The following GUCY2F variants were observed in gnomAD, a reference collection of about 807,000 sequenced individuals.
GUCY2F encodes guanylate cyclase 2F, retinal.
Under a neutral mutation model 73.1 loss-of-function variants are expected in GUCY2F, and 61 were observed. That is an observed-to-expected ratio of 0.83 (90% confidence interval 0.68 to 1.03). The LOEUF is 1.03. Ranked by LOEUF, GUCY2F falls within the 50% of genes least tolerant of loss-of-function variation. The pLI is 0.00. For synonymous variants in GUCY2F, 331 were observed against 307.8 expected (o/e 1.08, Z -0.79); for missense variants, 912 against 854.3 (o/e 1.07, Z -0.84).
At chrX:109,463,358 C>T (rs189833799) in intron 3 of GUCY2F, among the ~76,000 whole-genome samples, 1 of 110,064 alleles carries the variant, frequency 9.1e-6, no homozygotes, top group Admixed American at 9.7e-5. Context: ...TAGGCATGGG[C>T]ATGGGACACA....
chrX:109,476,815 GTATATATATGTGTA>G lies in GUCY2F; in HGVS notation c.-85-808_-85-795del, dbSNP rs201816452. Among the ~76,000 whole-genome samples the G allele has an allele frequency of 9.8e-3, 1,037 of 105,560 alleles. 12 individuals carry two copies. Among genetic ancestry groups the G allele is most frequent in the East Asian group, 0.056 (196 of 3,518 alleles). 91.7% of individuals were successfully genotyped at this position (105,560 alleles called of 115,157 possible). On this transcript the variant is annotated intron_variant, in intron 1 of 19. Coordinates refer to ENST00000218006, the MANE Select transcript of GUCY2F (RefSeq NM_001522.3). ...TGTGTGTGTGTATATATGTGCGTGT[GTATATATATGTGTA>G]TATATATATGTGCGTGTATATATGT...
chrX:109,376,534 G>A (rs764242631), intron 17 of GUCY2F, among the ~76,000 whole-genome samples: 22 of 112,190 alleles, frequency 2.0e-4, no homozygotes, highest in African/African-American at 3.9e-4. Flanking sequence ...CCCGCTTACC[G>A]TCTCATTCAA....
chrX:109,429,573 G>T (rs189098011), intron 8 of GUCY2F, among the ~76,000 whole-genome samples: 109 of 112,116 alleles, frequency 9.7e-4, no homozygotes, highest in Non-Finnish European at 2.0e-3. Context: ...GCCTCATTCA[G>T]ATTTGTTGGA....
At chrX:109,435,009 ATGC>A (rs1350272571) in intron 7 of GUCY2F, among the ~76,000 whole-genome samples, 17 of 110,197 alleles carry the variant, frequency 1.5e-4, no homozygotes, top group African/African-American at 5.4e-4. Flanking sequence ...TACCAGTACC[ATGC>A]TGTTTTGGTT....
intron 3 of GUCY2F, among the ~76,000 whole-genome samples, chrX:109,461,027 G>C (rs62597562): frequency 0.26 from 29,132 of 110,747 alleles, 3,636 homozygotes; most frequent in Non-Finnish European, 0.38. Flanking sequence ...AGCAATAAAT[G>C]ATATTTACAT....
At chrX:109,384,781 C>T (rs938043353) in intron 16 of GUCY2F, among the ~76,000 whole-genome samples, 3 of 111,594 alleles carry the variant, frequency 2.7e-5, no homozygotes, top group African/African-American at 6.5e-5. Flanking sequence ...GGCTTCAGTG[C>T]GTCTCCACAA....
chrX:109,441,693 T>C (rs1020912019), intron 6 of GUCY2F, among the ~76,000 whole-genome samples: 1 of 110,242 alleles, frequency 9.1e-6, no homozygotes, highest in East Asian at 2.8e-4. Context: ...ACCAAAAAAT[T>C]ATAAAGGTGC....
Position 109,388,533 on chromosome X carries a change from T to C in GUCY2F, c.2912A>G (p.His971Arg). 8.3e-7 allele frequency: 1 copy of C among 1,207,069 alleles called. No homozygotes were observed. The highest frequency in any genetic ancestry group is 1.1e-6 in the Non-Finnish European group (1 of 891,704). The change falls in exon 15 of 20, where the codon CAC becomes CGC. Residue 971 changes from histidine (H) to arginine (R), a missense_variant. His to Arg is a conservative substitution (Grantham distance 29). Coordinates refer to ENST00000218006, the MANE Select transcript of GUCY2F (RefSeq NM_001522.3). ...LSSVGTFKMRHMPEVPVRIRI... is the reference protein window; with the variant it reads ...LSSVGTFKMRRMPEVPVRIRI... ...AATTCGGACCGGCACTTCTGGCATG[T>C]GCCGCATCTTGAAAGTGCCCACAGA...
At chrX:109,393,145 C>T in intron 12 of GUCY2F, 90 bp from the exon 13 acceptor site, 5 of 525,999 alleles carry the variant, frequency 9.5e-6, no homozygotes, top group Non-Finnish European at 1.6e-5. Context: ...AAATCCATTC[C>T]ACCAAAATGC....
At chrX:109,438,830 C>A (rs1303751947) in intron 7 of GUCY2F, among the ~76,000 whole-genome samples, 1 of 112,769 alleles carries the variant, frequency 8.9e-6, no homozygotes, top group East Asian at 2.8e-4. Context: ...AGTGGAGGAT[C>A]TTTGTGGTGG....
chrX:109,479,909 C>T (rs1459616039), intron 1 of GUCY2F, among the ~76,000 whole-genome samples: 1 of 111,436 alleles, frequency 9.0e-6, no homozygotes, highest in Admixed American at 9.5e-5. Context: ...GTATAAGGGC[C>T]TGGCCAAGAA....
chrX:109,448,101 C>T lies in GUCY2F; in HGVS notation c.1537G>A (p.Val513Ile), dbSNP rs1210943420. The T allele has an allele frequency of 1.8e-6, 2 of 1,118,326 alleles. No individual in the cohort carries two copies. Among genetic ancestry groups the T allele is most frequent in the Non-Finnish European group, 2.5e-6 (2 of 812,621 alleles). 92.2% of individuals were successfully genotyped at this position (1,118,326 alleles called of 1,213,427 possible). A position where few individuals can be genotyped will look rare whatever the true frequency, so the allele number is the denominator to read the frequency against. ...PNRILLTLED[V>I]TFINPHFGSK... is the part of the protein sequence containing the mutation. ...CCAAAGTGGGGATTGATAAACGTTA[C>T]ATCCTCCAAAGTCAGTAGAATTCTA... Residue 513 changes from valine (V) to isoleucine (I), a missense_variant, in exon 6 of 20, where the codon GTA becomes ATA. By Grantham distance (29) the Val-to-Ile change is conservative (BLOSUM62 3). Coordinates refer to ENST00000218006, the MANE Select transcript of GUCY2F (RefSeq NM_001522.3).
intron 19 of GUCY2F, among the ~76,000 whole-genome samples, chrX:109,374,264 A>C (rs1930125616): frequency 8.9e-6 from 1 of 111,921 alleles, no homozygotes; most frequent in African/African-American, 3.3e-5. Flanking sequence ...CACCAAGGCC[A>C]TGTGGTCAGT....
intron 8 of GUCY2F, among the ~76,000 whole-genome samples, chrX:109,429,210 G>A (rs1235565679): frequency 3.6e-5 from 4 of 111,307 alleles, no homozygotes; most frequent in Non-Finnish European, 7.5e-5. Context: ...TCAGGAGTTC[G>A]AGACCAGCCT....
chrX:109,429,387 C>T (rs1396666207), intron 8 of GUCY2F, among the ~76,000 whole-genome samples: 4 of 104,136 alleles, frequency 3.8e-5, no homozygotes, highest in Non-Finnish European at 7.8e-5. Context: ...GTACTCCAGC[C>T]TGGGCAACAA....
At chrX:109,467,080 G>A (rs1932482388) in intron 2 of GUCY2F, among the ~76,000 whole-genome samples, 1 of 112,120 alleles carries the variant, frequency 8.9e-6, no homozygotes, top group South Asian at 3.7e-4. Flanking sequence ...ATTCTCGAAG[G>A]ATATCTTTGG....
chrX:109,421,847 C>A (rs750226284), intron 8 of GUCY2F, among the ~76,000 whole-genome samples: 18 of 110,910 alleles, frequency 1.6e-4, no homozygotes, highest in Admixed American at 7.7e-4. Context: ...AAATGTTCAA[C>A]AGGAGAATGA....
At chrX:109,431,377 G>C (rs974227495) in intron 7 of GUCY2F, among the ~76,000 whole-genome samples, 1 of 111,686 alleles carries the variant, frequency 9.0e-6, no homozygotes, top group Non-Finnish European at 1.9e-5. Context: ...TAAAGCAGAG[G>C]GCACTGTGCA....
chrX:109,447,920 G>T, intron 6 of GUCY2F, 149 bp downstream of exon 6: 1 of 282,619 alleles, frequency 3.5e-6, no homozygotes, highest in Non-Finnish European at 6.3e-6. Flanking sequence ...TATTTTACAT[G>T]TTTTTATACT....
Sources: gnomAD v4.1 joint callset for allele counts (sites outside exome capture counted in the v4.1 genomes callset) on GRCh38, gnomAD v4.1.1 for gene constraint, MANE v1.5 for transcripts, NCBI Gene and HGNC (gene_info 2026-07-23, HGNC 2026-07-21) for gene names.